GRID2: variants seen among roughly 807,000 people sequenced by gnomAD.
GRID2 encodes glutamate ionotropic receptor delta type subunit 2.
Under a neutral mutation model 114.8 loss-of-function variants are expected in GRID2, and 33 were observed. The ratio of observed to expected loss-of-function variants is 0.29; its 90% CI spans 0.22 to 0.38. The LOEUF (loss-of-function observed/expected upper bound fraction) is 0.38. Ranked by LOEUF, GRID2 falls within the 10% of genes least tolerant of loss-of-function variation. The pLI, the probability that GRID2 is intolerant of heterozygous loss-of-function variation, is 1.00. For missense variants in GRID2, 1,184 were observed against 1,257.7 expected (o/e 0.94, Z 0.89); for synonymous variants, 505 against 449.9 (o/e 1.12, Z -1.55).
chr4:92,699,836 C>T (rs1734586083), intron 2 of GRID2, among the ~76,000 whole-genome samples: 1 of 151,986 alleles, frequency 6.6e-6, no homozygotes. Context: ...TTATAAAATT[C>T]TGTTATTTTT....
chr4:92,699,707 A>C (rs1399249477), intron 2 of GRID2, among the ~76,000 whole-genome samples: 1 of 152,178 alleles, frequency 6.6e-6, no homozygotes, highest in Non-Finnish European at 1.5e-5. Flanking sequence ...ATGGCTAAGA[A>C]ACCTCTACTC....
intron 4 of GRID2, among the ~76,000 whole-genome samples, chr4:93,136,429 G>T (rs1579087944): frequency 6.6e-6 from 1 of 152,106 alleles, no homozygotes; most frequent in Non-Finnish European, 1.5e-5. Context: ...AAAAGAAAGA[G>T]AGCCTTCCGA....
chr4:93,437,463 G>C (rs1721204920), intron 10 of GRID2, among the ~76,000 whole-genome samples: 1 of 151,994 alleles, frequency 6.6e-6, no homozygotes, highest in Non-Finnish European at 1.5e-5. Flanking sequence ...AAACAGTTCA[G>C]AGCTGTTTTT....
chr4:93,713,382 G>A (rs566866997), intron 14 of GRID2, among the ~76,000 whole-genome samples: 1 of 151,966 alleles, frequency 6.6e-6, no homozygotes, highest in South Asian at 2.1e-4. Flanking sequence ...AAATAGTTGG[G>A]GAGTTCAGGT....
intron 1 of GRID2, among the ~76,000 whole-genome samples, chr4:92,543,550 G>T (rs1398187060): frequency 6.6e-6 from 1 of 152,064 alleles, no homozygotes; most frequent in African/African-American, 2.4e-5. Flanking sequence ...AAATACTTTA[G>T]TTTTGCAAGA....
intron 1 of GRID2, among the ~76,000 whole-genome samples, chr4:92,472,078 C>T (rs1012242636): frequency 2.6e-5 from 3 of 116,210 alleles, no homozygotes; most frequent in East Asian, 2.2e-4. Flanking sequence ...GGACTACAGG[C>T]GCCCGCCACT....
intron 8 of GRID2, among the ~76,000 whole-genome samples, chr4:93,312,572 C>T (rs6854587): frequency 0.46 from 69,148 of 151,872 alleles, 16,475 homozygotes; most frequent in East Asian, 0.61. Context: ...AAATTTCAAC[C>T]CATCAAGGAA....
intron 3 of GRID2, among the ~76,000 whole-genome samples, chr4:93,097,117 T>C (rs1731290346): frequency 6.6e-6 from 1 of 151,986 alleles, no homozygotes; most frequent in African/African-American, 2.4e-5. Flanking sequence ...CAGACAGTGG[T>C]CACATCTATG....
intron 1 of GRID2, among the ~76,000 whole-genome samples, chr4:92,526,422 CA>C (rs1273253836): frequency 6.6e-6 from 1 of 152,116 alleles, no homozygotes; most frequent in Non-Finnish European, 1.5e-5. Flanking sequence ...CGGCTCACTG[CA>C]ACCTCCACCT....
intron 2 of GRID2, among the ~76,000 whole-genome samples, chr4:93,080,236 C>A (rs566218375): frequency 6.6e-6 from 1 of 152,046 alleles, no homozygotes; most frequent in Admixed American, 6.6e-5. Flanking sequence ...AAAAAGCAAT[C>A]ATAAATAGTA....
chr4:93,510,231 T>A (rs1038605072), intron 12 of GRID2, among the ~76,000 whole-genome samples: 2 of 152,162 alleles, frequency 1.3e-5, no homozygotes, highest in Non-Finnish European at 2.9e-5. Flanking sequence ...AGACTTAAAA[T>A]TCCCCAAAGC....
At chr4:92,361,889 A>G (rs138819818) in intron 1 of GRID2, among the ~76,000 whole-genome samples, 3 of 152,106 alleles carry the variant, frequency 2.0e-5, no homozygotes, top group East Asian at 3.9e-4. Context: ...TTCTAGGATC[A>G]TCAACTCAGT....
At chr4:93,800,324 A>G (rs527838233) in intron 1 of GRID2, among the ~76,000 whole-genome samples, 65 of 152,322 alleles carry the variant, frequency 4.3e-4, no homozygotes, top group African/African-American at 1.3e-3. Context: ...GGAAAATGAT[A>G]TGACCCTTTC....
intron 2 of GRID2, among the ~76,000 whole-genome samples, chr4:92,796,600 A>G (rs1293137666): frequency 6.6e-6 from 1 of 151,848 alleles, no homozygotes; most frequent in Non-Finnish European, 1.5e-5. Flanking sequence ...GAATATATAT[A>G]TATTTTTCAG....
At chr4:92,812,801 G>A (rs1197223884) in intron 2 of GRID2, among the ~76,000 whole-genome samples, 3 of 152,152 alleles carry the variant, frequency 2.0e-5, no homozygotes, top group East Asian at 1.9e-4. Flanking sequence ...CCAATAACTC[G>A]TTGACAGATA....
chr4:92,918,204 A>G (rs902169912), intron 2 of GRID2, among the ~76,000 whole-genome samples: 21 of 152,162 alleles, frequency 1.4e-4, no homozygotes, highest in African/African-American at 3.4e-4. Flanking sequence ...TTGATTTTGT[A>G]TCCTGAGACT....
chr4:92,952,703 T>C (rs984054095), intron 2 of GRID2, among the ~76,000 whole-genome samples: 1 of 152,220 alleles, frequency 6.6e-6, no homozygotes, highest in African/African-American at 2.4e-5. Context: ...AGTAGTAGTA[T>C]CTTTCTCACC....
intron 1 of GRID2, among the ~76,000 whole-genome samples, chr4:92,469,522 C>T (rs964219411): frequency 6.6e-6 from 1 of 151,946 alleles, no homozygotes; most frequent in Non-Finnish European, 1.5e-5. Flanking sequence ...ACCATGTTTT[C>T]TATTTGTATA....
At chr4:92,822,268 C>CGCATGGCATG in intron 2 of GRID2, 1 of 578,010 alleles carries the variant, frequency 1.7e-6, no homozygotes, top group Admixed American at 1.9e-5. Flanking sequence ...TTGTTGAGAT[C>CGCATGGCATG]GCATGGCATG....
Sources: allele counts gnomAD v4.1 joint callset (sites outside exome capture counted in the v4.1 genomes callset), GRCh38; gene constraint gnomAD v4.1.1; transcripts MANE v1.5; gene names NCBI Gene and HGNC (gene_info 2026-07-23, HGNC 2026-07-21).